Variants in ASIC2 observed in about 807,000 individuals in gnomAD.
ASIC2 encodes acid sensing ion channel subunit 2.
ASIC2 carries 25 observed loss-of-function variants against 57.3 expected under a neutral mutation model. That is an observed-to-expected ratio of 0.44 (90% confidence interval 0.32 to 0.61). The LOEUF is 0.61. Ranked by LOEUF, ASIC2 falls within the 20% of genes least tolerant of loss-of-function variation. ASIC2 has a pLI of 0.06. For missense variants in ASIC2, 641 were observed against 738.1 expected (o/e 0.87, Z 1.52); for synonymous variants, 319 against 307.5 (o/e 1.04, Z -0.39).
intron 1 of ASIC2, among the ~76,000 whole-genome samples, chr17:33,254,020 A>G (rs1301275668): frequency 1.3e-5 from 2 of 152,212 alleles, no homozygotes; most frequent in Non-Finnish European, 2.9e-5. Flanking sequence ...ACAGCTGTAG[A>G]AGAGAGGAAC....
chr17:33,285,249 C>A (rs1905102085), intron 1 of ASIC2, among the ~76,000 whole-genome samples: 1 of 152,214 alleles, frequency 6.6e-6, no homozygotes, highest in Non-Finnish European at 1.5e-5. Context: ...TGGATATCTG[C>A]AGACCTGAGT....
intron 1 of ASIC2, among the ~76,000 whole-genome samples, chr17:33,628,028 T>A (rs2142025039): frequency 6.6e-6 from 1 of 151,982 alleles, no homozygotes. Context: ...AGACTCTGTC[T>A]CAAAAAAATA....
chr17:34,113,569 A>C (rs1362068643), intron 1 of ASIC2, among the ~76,000 whole-genome samples: 1 of 151,888 alleles, frequency 6.6e-6, no homozygotes, highest in East Asian at 1.9e-4. Context: ...CTTAAGGAAA[A>C]AAAAAAAAGG....
At chr17:33,637,692 G>T (rs1024984647) in intron 1 of ASIC2, among the ~76,000 whole-genome samples, 1 of 151,990 alleles carries the variant, frequency 6.6e-6, no homozygotes, top group South Asian at 2.1e-4. Context: ...GGAAGGAAGG[G>T]CAAACCACAT....
chr17:34,099,443 GAGAA>G (rs1413833115), intron 1 of ASIC2, among the ~76,000 whole-genome samples: 49 of 89,154 alleles, frequency 5.5e-4, no homozygotes, highest in East Asian at 5.4e-3. Context: ...AGAAAAGAAA[GAGAA>G]AGAAAGAAAA....
intron 1 of ASIC2, among the ~76,000 whole-genome samples, chr17:33,715,241 A>G (rs1909183662): frequency 6.6e-6 from 1 of 152,094 alleles, no homozygotes; most frequent in Non-Finnish European, 1.5e-5. Flanking sequence ...GCCTCAAGCG[A>G]TCCTCGCACC....
chr17:33,528,724 C>T (rs927098502), intron 1 of ASIC2, among the ~76,000 whole-genome samples: 1 of 152,186 alleles, frequency 6.6e-6, no homozygotes, highest in African/African-American at 2.4e-5. Context: ...CTACATCTAG[C>T]CAAGTTGCAG....
intron 1 of ASIC2, among the ~76,000 whole-genome samples, chr17:33,219,777 C>T (rs1434175627): frequency 1.3e-5 from 2 of 152,124 alleles, no homozygotes; most frequent in Non-Finnish European, 2.9e-5. Context: ...TTTTGAAGGG[C>T]CCTGGGTTGT....
intron 1 of ASIC2, among the ~76,000 whole-genome samples, chr17:33,573,546 G>T (rs565600619): frequency 6.6e-6 from 1 of 152,072 alleles, no homozygotes; most frequent in African/African-American, 2.4e-5. Flanking sequence ...TTGTTTGCCT[G>T]CTTTAAATCT....
At chr17:33,923,037 G>A (rs562833547) in intron 1 of ASIC2, among the ~76,000 whole-genome samples, 93 of 152,280 alleles carry the variant, frequency 6.1e-4, no homozygotes, top group Admixed American at 6.1e-3. Flanking sequence ...GGTTTAGTGG[G>A]GAAGCCTGAT....
intron 1 of ASIC2, among the ~76,000 whole-genome samples, chr17:33,941,581 C>A (rs1879520478): frequency 6.6e-6 from 1 of 152,194 alleles, no homozygotes; most frequent in South Asian, 2.1e-4. Flanking sequence ...ATAGAGGGAG[C>A]TGGGGGTCTC....
chr17:33,792,616 A>T (rs1337006027), intron 1 of ASIC2: 1 of 152,240 alleles, frequency 6.6e-6, no homozygotes, highest in African/African-American at 2.4e-5. Context: ...CTGAATTCGT[A>T]GATATCTTGG....
intron 1 of ASIC2, among the ~76,000 whole-genome samples, chr17:33,401,055 C>T (rs1910268193): frequency 6.6e-6 from 1 of 152,140 alleles, no homozygotes; most frequent in African/African-American, 2.4e-5. Context: ...GAGAGTTGGC[C>T]ATGTGAATGA....
At chr17:33,056,839 T>A (rs1323298136) in intron 3 of ASIC2, among the ~76,000 whole-genome samples, 1 of 152,254 alleles carries the variant, frequency 6.6e-6, no homozygotes, top group Non-Finnish European at 1.5e-5. Context: ...GGTTTCCTTC[T>A]GAAGCCAGAG....
chr17:33,874,503 A>G (rs985047803), intron 1 of ASIC2, among the ~76,000 whole-genome samples: 6 of 152,164 alleles, frequency 3.9e-5, no homozygotes, highest in African/African-American at 1.4e-4. Flanking sequence ...GAAGCCAACC[A>G]TTCTTCCTGC....
At chr17:33,031,192 G>C (rs2091881762) in intron 3 of ASIC2, among the ~76,000 whole-genome samples, 1 of 152,132 alleles carries the variant, frequency 6.6e-6, no homozygotes, top group African/African-American at 2.4e-5. Context: ...TCTTTTAATA[G>C]ATACAGAGAC....
At chr17:33,262,803 C>G (rs928767401) in intron 1 of ASIC2, among the ~76,000 whole-genome samples, 2 of 152,050 alleles carry the variant, frequency 1.3e-5, no homozygotes, top group Non-Finnish European at 2.9e-5. Context: ...GAATAAAGTA[C>G]TATGAGAGGG....
At chr17:34,129,872 A>G (rs1911899681) in intron 1 of ASIC2, among the ~76,000 whole-genome samples, 1 of 152,176 alleles carries the variant, frequency 6.6e-6, no homozygotes, top group South Asian at 2.1e-4. Flanking sequence ...CAAAGGCTAA[A>G]GCTATTGTCA....
intron 1 of ASIC2, among the ~76,000 whole-genome samples, chr17:33,175,385 C>G (rs972199695): frequency 2.0e-5 from 3 of 152,158 alleles, no homozygotes; most frequent in Non-Finnish European, 4.4e-5. Flanking sequence ...GCTTGTGTCT[C>G]CCAATGTCCA....
Sources: allele counts gnomAD v4.1 joint callset (sites outside exome capture counted in the v4.1 genomes callset), GRCh38; gene constraint gnomAD v4.1.1; transcripts MANE v1.5; gene names NCBI Gene and HGNC (gene_info 2026-07-23, HGNC 2026-07-21).